FOCAD: variants seen among roughly 807,000 people sequenced by gnomAD.
The protein encoded by FOCAD is focadhesin, also known as KIAA1797.
Under a neutral mutation model 225.6 loss-of-function variants are expected in FOCAD, and 198 were observed. The ratio of observed to expected loss-of-function variants is 0.88; its 90% CI spans 0.78 to 0.99. FOCAD has a LOEUF of 0.99. Ranked by LOEUF, FOCAD falls within the 50% of genes least tolerant of loss-of-function variation. The pLI, the probability that FOCAD is intolerant of heterozygous loss-of-function variation, is 0.00. For missense variants in FOCAD, 2,713 were observed against 2,123.6 expected, an observed-to-expected ratio of 1.28 and a Z score of -5.46; for synonymous variants, 897 against 755.0, an observed-to-expected ratio of 1.19 and a Z score of -3.08.
chr9:20,770,712 T>C (rs990707139), intron 8 of FOCAD, among the ~76,000 whole-genome samples: 13 of 152,220 alleles, frequency 8.5e-5, no homozygotes, highest in African/African-American at 3.1e-4. Flanking sequence ...AGTCTTTCAA[T>C]AACTGGGTGG....
At chr9:20,726,426 G>A (rs1826202205) in intron 4 of FOCAD, 1 of 152,160 alleles carries the variant, frequency 6.6e-6, no homozygotes, top group Non-Finnish European at 1.5e-5. Context: ...TTGTCTTAAT[G>A]TGCTTGGTAA....
intron 36 of FOCAD, 30 bp from the exon 37 acceptor site, chr9:20,978,309 A>G: frequency 6.9e-7 from 1 of 1,451,672 alleles, no homozygotes; most frequent in Non-Finnish European, 9.5e-7. Context: ...GTAACTATAT[A>G]TTCAATTCTT....
At chr9:20,929,189 A>T in intron 26 of FOCAD, 169 bp from the exon 27 acceptor site, 1 of 560,572 alleles carries the variant, frequency 1.8e-6, no homozygotes, top group Non-Finnish European at 3.1e-6. Context: ...TTAATAATGA[A>T]AACATAATCT....
At chr9:20,714,600 A>ATGCTTGCCTGCC (rs1354950679) in intron 1 of FOCAD, among the ~76,000 whole-genome samples, 28 of 72,578 alleles carry the variant, frequency 3.9e-4, no homozygotes, top group African/African-American at 1.5e-3. Context: ...ATCCTTTTGC[A>ATGCTTGCCTGCC]TGCTTGCCTG....
At chr9:20,857,785 G>GTTTTTT (rs35820198) in intron 15 of FOCAD, among the ~76,000 whole-genome samples, 2 of 106,040 alleles carry the variant, frequency 1.9e-5, no homozygotes, top group African/African-American at 3.0e-5. Context: ...TTTTTTTTGA[G>GTTTTTT]TTTTTTTTTT....
chr9:20,812,072 T>C (rs554280545), intron 11 of FOCAD, among the ~76,000 whole-genome samples: 1 of 152,032 alleles, frequency 6.6e-6, no homozygotes, highest in Non-Finnish European at 1.5e-5. Context: ...TGAGTCAGCA[T>C]TTGTTGAATC....
chr9:20,986,266 A>ATCTTTTTTTTTTTTTTTTTTT, intron 39 of FOCAD, 22 bp from the exon 40 acceptor site: 1 of 705,686 alleles, frequency 1.4e-6, no homozygotes, highest in Non-Finnish European at 1.8e-6. Flanking sequence ...TAACTAAACA[A>ATCTTTTTTTTTTTTTTTTTTT]TTTTTTTTTT....
intron 35 of FOCAD, among the ~76,000 whole-genome samples, chr9:20,968,736 G>C (rs1205649268): frequency 6.6e-6 from 1 of 151,874 alleles, no homozygotes; most frequent in Non-Finnish European, 1.5e-5. Flanking sequence ...ACCTCGCCCG[G>C]CCTGTTTTCT....
At chr9:20,659,226 C>A (rs572617940) in intron 2 of FOCAD, among the ~76,000 whole-genome samples, 1 of 138,106 alleles carries the variant, frequency 7.2e-6, no homozygotes, top group Non-Finnish European at 1.6e-5. Flanking sequence ...CTCCCCTCCC[C>A]CCGCCCCACA....
At chr9:20,699,317 C>G (rs942749225) in intron 1 of FOCAD, among the ~76,000 whole-genome samples, 1 of 152,010 alleles carries the variant, frequency 6.6e-6, no homozygotes, top group African/African-American at 2.4e-5. Flanking sequence ...TTGTAAGTTG[C>G]TGGTCTTTGG....
At chr9:20,758,749 G>A (rs993600517) in intron 6 of FOCAD, among the ~76,000 whole-genome samples, 6 of 152,088 alleles carry the variant, frequency 3.9e-5, no homozygotes, top group African/African-American at 1.2e-4. Flanking sequence ...CCAACATAGT[G>A]TTGGAAGTTC....
At chr9:20,741,698 T>TTTTTA (rs398010447) in intron 5 of FOCAD, among the ~76,000 whole-genome samples, 1 of 149,680 alleles carries the variant, frequency 6.7e-6, no homozygotes, top group South Asian at 2.1e-4. Flanking sequence ...TTTTTTTTTT[T>TTTTTA]AACATAGTGG....
At chr9:20,679,218 C>T (rs1209474869) in intron 2 of FOCAD, among the ~76,000 whole-genome samples, 3 of 147,026 alleles carry the variant, frequency 2.0e-5, no homozygotes, top group Non-Finnish European at 4.5e-5. Flanking sequence ...CATGTATGGC[C>T]CTGTTGGCTT....
upstream of FOCAD, among the ~76,000 whole-genome samples, chr9:20,680,370 C>G (rs1455541075): frequency 1.3e-5 from 2 of 152,094 alleles, no homozygotes; most frequent in Non-Finnish European, 2.9e-5. Context: ...CCATCCTGGC[C>G]CACATGGTGT....
At chr9:20,736,085 T>C (rs1827137310) in intron 4 of FOCAD, among the ~76,000 whole-genome samples, 1 of 152,208 alleles carries the variant, frequency 6.6e-6, no homozygotes. Context: ...TAAGCCTTTC[T>C]CTTATAACTC....
chr9:20,952,919 C>T, intron 34 of FOCAD, 66 bp from the exon 35 acceptor site: 3 of 1,251,962 alleles, frequency 2.4e-6, no homozygotes, highest in Non-Finnish European at 3.5e-6. Flanking sequence ...AGCATGAGAT[C>T]ATTATCTTTC....
intron 18 of FOCAD, 72 bp from the exon 19 acceptor site, chr9:20,874,609 A>G: frequency 1.3e-6 from 2 of 1,522,344 alleles, no homozygotes; most frequent in Non-Finnish European, 1.8e-6. Flanking sequence ...TGTCACAAAA[A>G]AGGATACAGA....
Position 20,946,816 on chromosome 9 carries a change from A to G in FOCAD, c.3671A>G (p.Gln1224Arg), listed in dbSNP as rs543741324. Residue 1224 changes from glutamine to arginine, a missense_variant, in exon 30 of 44, where the codon CAG (glutamine) becomes CGG (arginine). Physicochemically the swap from Gln to Arg is conservative, Grantham distance 43. Transcript: ENST00000338382. Reference protein sequence around the residue: ...NKLRLLVENSQQTSGFALALG... With the variant: ...NKLRLLVENSRQTSGFALALG... The stretch of plus-strand genomic sequence containing the variant: ...CTTCGACTGTTAGTGGAGAATAGCC[A>G]GCAGGTTGGAACGTGTGCCCTGATT... The G allele has an allele frequency of 4.3e-6, 7 of 1,613,586 alleles. No individual in the cohort carries two copies. In the East Asian group the frequency reaches 6.7e-5, roughly 15 times the overall value.
chr9:20,842,630 T>C (rs1169774887), intron 15 of FOCAD, among the ~76,000 whole-genome samples: 2 of 151,962 alleles, frequency 1.3e-5, no homozygotes, highest in African/African-American at 4.8e-5. Flanking sequence ...TAAGTATGTT[T>C]CTTGTAGACA....
Sources: gnomAD v4.1 joint callset for allele counts (sites outside exome capture counted in the v4.1 genomes callset) on GRCh38, gnomAD v4.1.1 for gene constraint, MANE v1.5 for transcripts, NCBI Gene and HGNC (gene_info 2026-07-23, HGNC 2026-07-21) for gene names.